KANSL1: variants seen among roughly 807,000 people sequenced by gnomAD.
KANSL1 encodes KAT8 regulatory NSL complex subunit 1, also known as MLL1/MLL complex subunit KANSL1.
A neutral mutation model predicts 103.6 loss-of-function variants in KANSL1; 22 were observed. That is an observed-to-expected ratio of 0.21 (90% CI 0.15 to 0.30). KANSL1 has a LOEUF of 0.30. KANSL1 is among the 10% of genes least tolerant of loss of function. The pLI, the probability that KANSL1 is intolerant of heterozygous loss-of-function variation, is 1.00. For synonymous variants in KANSL1, 600 were observed against 527.6 expected (o/e 1.14, Z -1.88); for missense variants, 1,337 against 1,399.8 (o/e 0.96, Z 0.72).
At chr17:46,200,937 C>T (rs1468454304) in intron 1 of KANSL1, among the ~76,000 whole-genome samples, 7 of 151,650 alleles carry the variant, frequency 4.6e-5, no homozygotes. Context: ...CACAGTCTCA[C>T]TCTGCTGCCC....
At chr17:46,101,008 T>C (rs1054371495) in intron 2 of KANSL1, among the ~76,000 whole-genome samples, 6 of 152,336 alleles carry the variant, frequency 3.9e-5, no homozygotes, top group African/African-American at 1.2e-4. Context: ...GGTAGATAAA[T>C]TGACAAAGGA....
At chr17:46,160,541 G>A (rs574941078) in intron 2 of KANSL1, among the ~76,000 whole-genome samples, 5 of 152,196 alleles carry the variant, frequency 3.3e-5, no homozygotes, top group East Asian at 1.9e-4. Flanking sequence ...AGATCTGCCC[G>A]CCTTGGCCTC....
In KANSL1 at chr17:46,050,437, G is replaced by A. The variant is rs141861343; in HGVS notation, c.2020+96C>T. On this transcript the variant is annotated intron_variant, in intron 7 of 14. Coordinates refer to ENST00000432791, the MANE Select transcript of KANSL1 (RefSeq NM_015443.4). ...GGTTGACGAAAGTTGTACCTTGAAAGTATCTGAGTTGTAACTGCACCTTGG... is the reference window on the plus strand; with the variant it reads ...GGTTGACGAAAGTTGTACCTTGAAAATATCTGAGTTGTAACTGCACCTTGG... 6.5e-4 allele frequency: 816 copies of A among 1,249,730 alleles called. 5 individuals are homozygous for A. In the East Asian group the frequency reaches 0.016, roughly 25 times the overall value. The allele number at this position is 1,249,730 out of a possible 1,614,324, so 77.4% of individuals were successfully genotyped here. A position where few individuals can be genotyped will look rare whatever the true frequency, so the allele number is the denominator to read the frequency against.
intron 2 of KANSL1, among the ~76,000 whole-genome samples, chr17:46,114,275 C>T (rs1383834718): frequency 1.3e-5 from 2 of 152,136 alleles, no homozygotes; most frequent in East Asian, 3.8e-4. Flanking sequence ...AGGAGAATCG[C>T]TTGAACCCAG....
chr17:46,092,858 T>A (rs1369114346), intron 3 of KANSL1: 3 of 152,158 alleles, frequency 2.0e-5, no homozygotes, highest in African/African-American at 7.2e-5. Flanking sequence ...ATTTTACAAT[T>A]TCTGTTATGC....
chr17:46,125,315 T>C (rs1567703202), intron 2 of KANSL1, among the ~76,000 whole-genome samples: 1 of 152,238 alleles, frequency 6.6e-6, no homozygotes, highest in Non-Finnish European at 1.5e-5. Flanking sequence ...TATTATGACA[T>C]AAGCCTACTG....
intron 6 of KANSL1, among the ~76,000 whole-genome samples, chr17:46,060,101 A>C (rs2078105537): frequency 6.6e-6 from 1 of 152,242 alleles, no homozygotes; most frequent in African/African-American, 2.4e-5. Context: ...CTTTGAAGGA[A>C]TTCCCAAGAA....
At chr17:46,168,044 C>T (rs1407778938) in intron 2 of KANSL1, among the ~76,000 whole-genome samples, 1 of 152,236 alleles carries the variant, frequency 6.6e-6, no homozygotes, top group Non-Finnish European at 1.5e-5. Context: ...GAGTAAAATA[C>T]AGACCAGCTA....
intron 1 of KANSL1, among the ~76,000 whole-genome samples, chr17:46,172,709 A>G (rs1447308978): frequency 6.6e-6 from 1 of 152,234 alleles, no homozygotes; most frequent in Non-Finnish European, 1.5e-5. Context: ...CAGGGAATCC[A>G]GTTTTCATCA....
chr17:46,058,767 T>A (rs148443236), intron 6 of KANSL1, among the ~76,000 whole-genome samples: 12 of 147,324 alleles, frequency 8.1e-5, no homozygotes, highest in East Asian at 6.0e-4. Context: ...TCTCTCTCTC[T>A]CTCTCTCTCT....
chr17:46,208,090 G>A (rs1388559905), intron 1 of KANSL1, among the ~76,000 whole-genome samples: 1 of 143,790 alleles, frequency 7.0e-6, no homozygotes, highest in Non-Finnish European at 1.6e-5. Flanking sequence ...CAACCTGGGT[G>A]AAAGGCAAAA....
upstream of KANSL1, chr17:46,193,588 C>T (rs1290051334): frequency 5.6e-6 from 1 of 177,100 alleles, no homozygotes; most frequent in Non-Finnish European, 1.2e-5. Flanking sequence ...GAGGCGCGGC[C>T]GCCGCCGCCT....
At chr17:46,092,786 A>G (rs1481941794) in intron 3 of KANSL1, 1 of 146,964 alleles carries the variant, frequency 6.8e-6, no homozygotes, top group African/African-American at 2.6e-5. Flanking sequence ...ATTGATACAC[A>G]GTATTTCATC....
chr17:46,219,250 T>TAAA (rs66536813), intron 1 of KANSL1, among the ~76,000 whole-genome samples: 69 of 135,284 alleles, frequency 5.1e-4, no homozygotes, highest in South Asian at 9.1e-4. Context: ...TCTTGTCTCA[T>TAAA]AAAAAAAAAA....
intron 1 of KANSL1, among the ~76,000 whole-genome samples, chr17:46,207,678 C>T (rs1195130644): frequency 1.3e-5 from 2 of 152,190 alleles, no homozygotes; most frequent in Non-Finnish European, 2.9e-5. Flanking sequence ...CCAATAAGCA[C>T]ATGAAAAGAT....
intron 5 of KANSL1, among the ~76,000 whole-genome samples, chr17:46,066,980 T>C (rs961775147): frequency 6.6e-6 from 1 of 152,186 alleles, no homozygotes; most frequent in African/African-American, 2.4e-5. Flanking sequence ...TAAAAGTCAA[T>C]AAATAAACTC....
At chr17:46,069,493 C>T (rs2078499584) in intron 4 of KANSL1, among the ~76,000 whole-genome samples, 1 of 152,068 alleles carries the variant, frequency 6.6e-6, no homozygotes, top group Admixed American at 6.5e-5. Context: ...GCCTGTAATC[C>T]CAGCACTTTG....
chr17:46,122,200 A>C (rs1189636595), intron 2 of KANSL1, among the ~76,000 whole-genome samples: 1 of 152,234 alleles, frequency 6.6e-6, no homozygotes, highest in Non-Finnish European at 1.5e-5. Flanking sequence ...TTCTGGAAAC[A>C]CAGAAGTTCC....
upstream of KANSL1, among the ~76,000 whole-genome samples, chr17:46,197,933 C>G (rs1053803631): frequency 3.3e-5 from 5 of 152,180 alleles, no homozygotes; most frequent in Admixed American, 6.5e-5. Context: ...TATGTCCAAA[C>G]TAATCTCAAA....
Sources: gnomAD v4.1 joint callset for allele counts (sites outside exome capture counted in the v4.1 genomes callset) on GRCh38, gnomAD v4.1.1 for gene constraint, MANE v1.5 for transcripts, NCBI Gene and HGNC (gene_info 2026-07-23, HGNC 2026-07-21) for gene names.